The following ATP13A4 variants were observed in gnomAD, a reference collection of about 807,000 sequenced individuals.
ATP13A4 encodes probable cation-transporting ATPase 13A4.
A neutral mutation model predicts 142.5 loss-of-function variants in ATP13A4; 114 were observed. The ratio of observed to expected loss-of-function variants is 0.80; its 90% CI spans 0.69 to 0.93. The LOEUF is 0.93. Ranked by LOEUF, ATP13A4 falls within the 40% of genes least tolerant of loss-of-function variation. The pLI, the probability that ATP13A4 is intolerant of heterozygous loss-of-function variation, is 0.00. For synonymous variants in ATP13A4, 488 were observed against 514.8 expected, an observed-to-expected ratio of 0.95 and a Z score of 0.70; for missense variants, 1,392 against 1,454.0, an observed-to-expected ratio of 0.96 and a Z score of 0.69.
At chr3:193,490,798 G>T (rs1577017661) in intron 6 of ATP13A4, among the ~76,000 whole-genome samples, 1 of 152,136 alleles carries the variant, frequency 6.6e-6, no homozygotes, top group Non-Finnish European at 1.5e-5. Context: ...AGAGAGCACA[G>T]GGAAGCCAGA....
intron 9 of ATP13A4, 104 bp from the exon 10 acceptor site, chr3:193,467,590 A>G (rs1718377912): frequency 1.7e-6 from 2 of 1,196,716 alleles, no homozygotes; most frequent in East Asian, 2.3e-5. Flanking sequence ...TTGTGAGCCT[A>G]CCATGTGGCA....
chr3:193,496,839 T>TAAATAAAA (rs1171196677), intron 3 of ATP13A4, among the ~76,000 whole-genome samples: 1 of 138,014 alleles, frequency 7.2e-6, no homozygotes, highest in Non-Finnish European at 1.6e-5. Flanking sequence ...AATAAATAAA[T>TAAATAAAA]AAAACTGAGA....
At chr3:193,441,738 G>T in intron 19 of ATP13A4, 150 bp from the exon 20 acceptor site, 1 of 912,018 alleles carries the variant, frequency 1.1e-6, no homozygotes, top group Non-Finnish European at 1.7e-6. Context: ...CTTTTTGCTG[G>T]ATCAATCTTT....
chr3:193,582,631 A>ATG (rs61346318), intron 1 of ATP13A4, among the ~76,000 whole-genome samples: 1,514 of 50,102 alleles, frequency 0.03, 73 homozygotes, highest in East Asian at 0.036. Context: ...TGTATATTAC[A>ATG]TACATTATAT....
chr3:193,407,708 C>G (rs1295967588), intron 28 of ATP13A4, among the ~76,000 whole-genome samples: 1 of 152,084 alleles, frequency 6.6e-6, no homozygotes, highest in Non-Finnish European at 1.5e-5. Context: ...ACTTTGGTCA[C>G]TTTGCAATTA....
chr3:193,523,523 G>A (rs1259072226), intron 1 of ATP13A4, among the ~76,000 whole-genome samples: 1 of 152,098 alleles, frequency 6.6e-6, no homozygotes, highest in Admixed American at 6.5e-5. Context: ...CCTGTGTAGT[G>A]GAAGCTCCAT....
At chr3:193,556,278 C>A (rs1393726736), upstream of ATP13A4, among the ~76,000 whole-genome samples, 7 of 152,174 alleles carry the variant, frequency 4.6e-5, no homozygotes, top group African/African-American at 1.7e-4. Flanking sequence ...TTCACCATGT[C>A]CACTGTCTGT....
At chr3:193,579,844 A>G (rs928405142) in intron 2 of ATP13A4, among the ~76,000 whole-genome samples, 4 of 152,226 alleles carry the variant, frequency 2.6e-5, no homozygotes, top group Non-Finnish European at 5.9e-5. Context: ...TGTGCCAAGC[A>G]CTACTCTAAG....
chr3:193,484,517 G>T (rs1270011098), intron 7 of ATP13A4, among the ~76,000 whole-genome samples: 1 of 151,978 alleles, frequency 6.6e-6, no homozygotes, highest in Non-Finnish European at 1.5e-5. Context: ...CCTTCTACTT[G>T]ATTCTGGGGG....
rs779305988 is a variant in ATP13A4 at position 193,554,724 on chromosome 3, G to T, written c.60+16C>A. The T allele has an allele frequency of 1.2e-6, 2 of 1,613,154 alleles. No individual in the cohort carries two copies. The highest frequency in any genetic ancestry group is 1.7e-6 in the Non-Finnish European group (2 of 1,179,774). ...AGAAGTGGGATGGGAAGAAGGGAAT[G>T]TGGCTAGAATCTTACCATCTCATTC... On this transcript the variant is annotated intron_variant, in intron 1 of 29. Coordinates refer to ENST00000342695, the MANE Select transcript of ATP13A4 (RefSeq NM_032279.4).
chr3:193,445,761 A>G (rs1373790821), intron 18 of ATP13A4, among the ~76,000 whole-genome samples: 1 of 152,112 alleles, frequency 6.6e-6, no homozygotes, highest in East Asian at 1.9e-4. Flanking sequence ...ATCTCAAAAA[A>G]TACAAATAAA....
rs1724584414 is a variant in ATP13A4 at position 193,582,696 on chromosome 3, A to AACATATATAATATATATGTATATT, written n.92-814_92-791dup. 9.4e-5 allele frequency among the ~76,000 whole-genome samples: 5 copies of AACATATATAATATATATGTATATT among 53,226 alleles called. 1 individual carries two copies. The highest frequency in any genetic ancestry group is 1.6e-4 in the Non-Finnish European group (5 of 31,158). 34.9% of individuals were successfully genotyped at this position (53,226 alleles called of 152,430 possible). A position where few individuals can be genotyped will look rare whatever the true frequency, so the allele number is the denominator to read the frequency against. On this transcript the variant is annotated intron_variant and non_coding_transcript_variant, in intron 1 of 3. Transcript: ENST00000489140. ...TTACATATATATTATATATGTGTAT[A>AACATATATAATATATATGTATATT]ACATATATAATATATATGTATATTA...
intron 23 of ATP13A4, among the ~76,000 whole-genome samples, chr3:193,437,088 A>G (rs1369680223): frequency 1.4e-5 from 2 of 140,206 alleles, no homozygotes; most frequent in African/African-American, 5.5e-5. Context: ...TGGGCGACAG[A>G]GTGAGACTCC....
intron 8 of ATP13A4, among the ~76,000 whole-genome samples, chr3:193,483,495 C>T (rs537458705): frequency 1.3e-5 from 2 of 152,222 alleles, no homozygotes; most frequent in East Asian, 1.9e-4. Flanking sequence ...GATGGAGTCT[C>T]GCTCTGTCAC....
In ATP13A4 at chr3:193,414,764, T is replaced by A; in HGVS notation, c.2843-14A>T. 1.2e-6 allele frequency: 2 copies of A among 1,612,864 alleles called. No individual in the cohort carries two copies. Among genetic ancestry groups the A allele is most frequent in the African/African-American group, 1.3e-5 (1 of 74,974 alleles). On this transcript the variant is annotated splice_polypyrimidine_tract_variant and intron_variant, in intron 25 of 29. Transcript: ENST00000342695. Reference sequence around the variant, plus strand: ...CATTCAGATTCACTATAAAATAAATTCGAATTTTATATTTATGAGAGCAGG... The same window carrying A: ...CATTCAGATTCACTATAAAATAAATACGAATTTTATATTTATGAGAGCAGG...
chr3:193,491,504 A>AGAAAGT, intron 5 of ATP13A4, 106 bp from the exon 6 acceptor site: 1 of 843,498 alleles, frequency 1.2e-6, no homozygotes, highest in Non-Finnish European at 2.0e-6. Context: ...CTCACTTGTG[A>AGAAAGT]GACCAACATA....
At position 193,484,310 on chromosome 3, in the gene ATP13A4, AAAATAAAT is replaced by A. The variant is rs201541607; in HGVS notation, c.739-313_739-306del. On this transcript the variant is annotated intron_variant, in intron 7 of 29. Transcript: ENST00000342695. ...GGGCGACAGAACAAGACTCTGTCTCAAAATAAATAAATAAATAAATAAATAAATAAATA... is the reference window on the plus strand; with the variant it reads ...GGGCGACAGAACAAGACTCTGTCTCAAAATAAATAAATAAATAAATAAATA... 8.3e-3 allele frequency among the ~76,000 whole-genome samples: 1,195 copies of A among 144,574 alleles called. 13 individuals carry two copies. Among genetic ancestry groups the A allele is most frequent in the East Asian group, 0.031 (152 of 4,924 alleles). 94.8% of individuals were successfully genotyped at this position (144,574 alleles called of 152,430 possible). A position where few individuals can be genotyped will look rare whatever the true frequency, so the allele number is the denominator to read the frequency against.
chr3:193,489,543 T>C (rs750806677), intron 7 of ATP13A4, among the ~76,000 whole-genome samples, 187 bp downstream of exon 7: 13 of 152,118 alleles, frequency 8.5e-5, no homozygotes, highest in Non-Finnish European at 1.8e-4. Context: ...AGGTTAGGGA[T>C]TGGAATGGGA....
rs1351325644 is a variant in ATP13A4, at chr3:193,469,449, A to C, written c.943+1410T>G. Among the ~76,000 whole-genome samples the C allele has an allele frequency of 8.5e-5, 13 of 152,254 alleles. No individual in the cohort carries two copies. The South Asian group carries it at 1.5e-3, about 17-fold the overall frequency. ...AAGACCAGCCTGGCCAACATCGTGAAACGCCACCTCTACTAAAAATACAAA... is the reference window on the plus strand; with the variant it reads ...AAGACCAGCCTGGCCAACATCGTGACACGCCACCTCTACTAAAAATACAAA... On this transcript the variant is annotated intron_variant, in intron 9 of 29. Coordinates refer to ENST00000342695, the MANE Select transcript of ATP13A4 (RefSeq NM_032279.4).
Sources: gnomAD v4.1 joint callset for allele counts (sites outside exome capture counted in the v4.1 genomes callset) on GRCh38, gnomAD v4.1.1 for gene constraint, MANE v1.5 for transcripts, NCBI Gene and HGNC (gene_info 2026-07-23, HGNC 2026-07-21) for gene names.